OR14A2: variants seen among roughly 807,000 people sequenced by gnomAD.
The protein encoded by OR14A2 is olfactory receptor 14A2.
For synonymous variants in OR14A2, 114 were observed against 58.6 expected (o/e 1.95, Z -4.32); for missense variants, 237 against 152.9 (o/e 1.55, Z -2.90).
the OR14A2 span, among the ~76,000 whole-genome samples, chr1:247,731,062 CT>C: frequency 6.6e-6 from 1 of 152,038 alleles, no homozygotes; most frequent in Non-Finnish European, 1.5e-5. Flanking sequence ...ATACTATTAA[CT>C]TTTTTTAGTA....
chr1:247,732,003 TAAC>T, the OR14A2 span, among the ~76,000 whole-genome samples: 2 of 152,190 alleles, frequency 1.3e-5, no homozygotes, highest in African/African-American at 4.8e-5. Context: ...TTCTACATAT[TAAC>T]AAGCCATTTC....
chr1:247,723,893 C>T (rs755866712), exon 1 of OR14A2: 19 of 717,232 alleles, frequency 2.6e-5, no homozygotes, highest in African/African-American at 2.6e-4. Context: ...TGGAGCTTTA[C>T]GTCCAGGGTA....
chr1:247,739,568 GA>G, the OR14A2 span: 7 of 761,098 alleles, frequency 9.2e-6, no homozygotes, highest in South Asian at 9.9e-5. Context: ...GACTAAAGTT[GA>G]AGATGGGAAG....
At chr1:247,737,683 A>G in the OR14A2 span, among the ~76,000 whole-genome samples, 2 of 152,100 alleles carry the variant, frequency 1.3e-5, no homozygotes, top group African/African-American at 4.8e-5. Context: ...AAAAATTGCC[A>G]TTGAAGTGAT....
chr1:247,723,473 G>A, exon 1 of OR14A2: 2 of 717,728 alleles, frequency 2.8e-6, no homozygotes, highest in Non-Finnish European at 5.2e-6. Context: ...ATTACCATTA[G>A]TGTTTCAGAA....
At chr1:247,739,079 C>G in the OR14A2 span, 2 of 780,710 alleles carry the variant, frequency 2.6e-6, no homozygotes, top group Non-Finnish European at 2.4e-6. Flanking sequence ...CCTTGGGACT[C>G]TTGTACACAG....
the OR14A2 span, chr1:247,738,670 G>A: frequency 1.3e-6 from 1 of 780,634 alleles, no homozygotes; most frequent in African/African-American, 1.7e-5. Context: ...ACTGAGAATT[G>A]GGTGCTCCTG....
chr1:247,748,144 A>C, the OR14A2 span, among the ~76,000 whole-genome samples: 1 of 152,190 alleles, frequency 6.6e-6, no homozygotes, highest in African/African-American at 2.4e-5. Context: ...TTCTAATTAC[A>C]TCATGTTAGG....
At chr1:247,729,663 G>A in the OR14A2 span, among the ~76,000 whole-genome samples, 1 of 151,676 alleles carries the variant, frequency 6.6e-6, no homozygotes. Context: ...AAAGTTTTTT[G>A]TCCTTTACTT....
chr1:247,727,792 C>T (rs373416156), upstream of OR14A2, among the ~76,000 whole-genome samples: 13,663 of 149,122 alleles, frequency 0.092, 762 homozygotes, highest in Non-Finnish European at 0.13. Context: ...ATACTATAAA[C>T]ACCTCTATGC....
At chr1:247,723,563 T>G (rs376381034) in exon 1 of OR14A2, 17 of 718,284 alleles carry the variant, frequency 2.4e-5, no homozygotes, top group African/African-American at 1.2e-4. Flanking sequence ...ATGGAAAATG[T>G]GCCAGCTGTG....
chr1:247,745,423 T>TC, the OR14A2 span, among the ~76,000 whole-genome samples: 1 of 151,776 alleles, frequency 6.6e-6, no homozygotes, highest in African/African-American at 2.4e-5. Context: ...TTGGCTTTTT[T>TC]TTTGATAGTA....
At chr1:247,736,970 T>G in the OR14A2 span, among the ~76,000 whole-genome samples, 1 of 152,208 alleles carries the variant, frequency 6.6e-6, no homozygotes, top group Non-Finnish European at 1.5e-5. Flanking sequence ...TTTTATTTAA[T>G]TTTTGTAGAC....
chr1:247,742,768 C>T, the OR14A2 span, among the ~76,000 whole-genome samples: 1 of 151,946 alleles, frequency 6.6e-6, no homozygotes, highest in African/African-American at 2.4e-5. Context: ...GACAACAAAA[C>T]AACAGGAGGA....
At chr1:247,739,093 G>T in the OR14A2 span, 1 of 780,830 alleles carries the variant, frequency 1.3e-6, no homozygotes, top group Middle Eastern at 2.3e-4. Flanking sequence ...TACACAGCTG[G>T]AACATTCTCT....
rs200083087 is a variant in OR14A2, at chr1:247,723,107, A to G, written c.937T>C (p.Phe313Leu). Residue 313 changes from phenylalanine (F) to leucine (L), a missense_variant, in exon 1 of 1, where the codon TTC becomes CTC. Phe to Leu is a conservative substitution (Grantham distance 22, BLOSUM62 0). Coordinates refer to ENST00000366485, the Ensembl canonical transcript of OR14A2. Reference sequence around the variant, plus strand: ...GACAGAACTTGAAAGTGTTAAATGAAGTAAGCCTCCTGACCATATGTTTTC... The same window carrying G: ...GACAGAACTTGAAAGTGTTAAATGAGGTAAGCCTCCTGACCATATGTTTTC... The G allele has an allele frequency of 1.7e-3, 1,200 of 712,172 alleles. 22 individuals are homozygous for G. In the South Asian group the frequency reaches 0.017, roughly 10 times the overall value. The allele number at this position is 712,172 out of a possible 1,614,324, so 44.1% of individuals were successfully genotyped here.
chr1:247,723,300 AAC>A lies in OR14A2; in HGVS notation c.742_743del (p.Val248PhefsTer11). ...AAACAAAATAAGCAGTTATGATAAA[AAC>A]AGTGAAAACAGTGAGATGGGGGAAG... On this transcript the variant is annotated frameshift_variant, in exon 1 of 1. Coordinates refer to ENST00000366485, the Ensembl canonical transcript of OR14A2. LOFTEE classifies it low-confidence loss of function (END_TRUNC). 1 of 717,500 alleles carries A rather than the reference AAC, an allele frequency of 1.4e-6. No individual in the cohort carries two copies. The highest frequency in any genetic ancestry group is 2.6e-6 in the Non-Finnish European group (1 of 385,084). 44.4% of individuals were successfully genotyped at this position (717,500 alleles called of 1,614,324 possible).
At chr1:247,732,423 G>A in the OR14A2 span, among the ~76,000 whole-genome samples, 41 of 152,206 alleles carry the variant, frequency 2.7e-4, no homozygotes, top group African/African-American at 8.7e-4. Flanking sequence ...GCCACAGTCC[G>A]CCAGCACTTA....
At chr1:247,723,372 C>T (rs1030439956) in exon 1 of OR14A2, 1 of 717,534 alleles carries the variant, frequency 1.4e-6, no homozygotes, top group Non-Finnish European at 2.6e-6. Context: ...TAGGGATCTT[C>T]AGTACAGTGG....
Sources: allele counts gnomAD v4.1 joint callset (sites outside exome capture counted in the v4.1 genomes callset), GRCh38; gene constraint gnomAD v4.1.1; transcripts MANE v1.5; gene names NCBI Gene and HGNC (gene_info 2026-07-23, HGNC 2026-07-21).